TLCD4: variants seen among roughly 807,000 people sequenced by gnomAD.
TLCD4 encodes TLC domain containing 4, also known as TLC domain-containing protein 4.
TLCD4 carries 7 observed loss-of-function variants against 24.2 expected under a neutral mutation model. The observed-to-expected ratio is 0.29, with a 90% confidence interval of 0.16 to 0.54. TLCD4 has a LOEUF of 0.54. Among genes scored for constraint, TLCD4 ranks in the 20% least tolerant of loss-of-function variants. The pLI is 0.95. For synonymous variants in TLCD4, 103 were observed against 106.4 expected, an observed-to-expected ratio of 0.97 and a Z score of 0.20; for missense variants, 259 against 313.9, an observed-to-expected ratio of 0.82 and a Z score of 1.32.
chr1:95,194,095 GC>G lies in TLCD4; in HGVS notation c.*2228del, dbSNP rs1200890943. ...TTTGTTTTTATAGTTACTGTTTCAT[GC>G]TTAAAACTTCATTCTTACTTTCATT... On this transcript the variant is annotated 3_prime_UTR_variant, in exon 7 of 7. Coordinates refer to ENST00000370203, the MANE Select transcript of TLCD4 (RefSeq NM_152487.3). 6.6e-6 allele frequency: 1 copy of G among 151,998 alleles called. No individual in the cohort carries two copies. Among genetic ancestry groups the G allele is most frequent in the Admixed American group, 6.6e-5 (1 of 15,250 alleles). 9.4% of individuals were successfully genotyped at this position (151,998 alleles called of 1,614,324 possible).
chr1:95,155,749 GGT>G (rs1491172131), intron 5 of TLCD4, among the ~76,000 whole-genome samples: 1 of 12,604 alleles, frequency 7.9e-5, no homozygotes, highest in East Asian at 2.7e-3. Flanking sequence ...GACTCACAGA[GGT>G]TTTTTTTTTT....
At chr1:95,106,613 A>G in the TLCD4 span, among the ~76,000 whole-genome samples, 1 of 152,166 alleles carries the variant, frequency 6.6e-6, no homozygotes, top group Non-Finnish European at 1.5e-5. Flanking sequence ...GGATTGCTTG[A>G]ACGTGGGATG....
At chr1:95,149,119 G>A (rs1172342815) in intron 3 of TLCD4, among the ~76,000 whole-genome samples, 1 of 152,148 alleles carries the variant, frequency 6.6e-6, no homozygotes, top group Non-Finnish European at 1.5e-5. Flanking sequence ...TTGAGATAGG[G>A]TAGTCAACTT....
chr1:95,178,851 A>G (rs1273388919), intron 6 of TLCD4, among the ~76,000 whole-genome samples: 1 of 152,134 alleles, frequency 6.6e-6, no homozygotes, highest in African/African-American at 2.4e-5. Context: ...GGCACGTTGA[A>G]TCAACATGTG....
Position 95,136,078 on chromosome 1 carries a change from A to G in TLCD4, c.-11-7813A>G, listed in dbSNP as rs78917375. Reference sequence around the variant, plus strand: ...TTTTTTTTTAAGAAATCTTGTTCCCAAGCTAACATTACTCAGCCTCTTAGC... The same window carrying G: ...TTTTTTTTTAAGAAATCTTGTTCCCGAGCTAACATTACTCAGCCTCTTAGC... On this transcript the variant is annotated intron_variant, in intron 1 of 6. Transcript: ENST00000370203. Among the ~76,000 whole-genome samples, 967 of 151,628 alleles carry G rather than the reference A, an allele frequency of 6.4e-3. 1 individual carries two copies. Among genetic ancestry groups the G allele is most frequent in the Non-Finnish European group, 0.011 (749 of 67,932 alleles).
chr1:95,102,872 T>C, the TLCD4 span, among the ~76,000 whole-genome samples: 1 of 152,068 alleles, frequency 6.6e-6, no homozygotes, highest in Non-Finnish European at 1.5e-5. Flanking sequence ...CAAGAGCTAA[T>C]TGAGAAATGA....
rs888308970 is a variant in TLCD4, at chr1:95,142,916, T to C, written c.-11-975T>C. Among the ~76,000 whole-genome samples the C allele has an allele frequency of 3.0e-5, 4 of 135,082 alleles. 1 individual carries two copies. Among genetic ancestry groups the C allele is most frequent in the Non-Finnish European group, 6.2e-5 (4 of 64,718 alleles). 88.6% of individuals were successfully genotyped at this position (135,082 alleles called of 152,430 possible). ...AGTGAGCTGAGATCTATCGCACCAC[T>C]GCACTCTAGCCTGGGGGACACAGCA... On this transcript the variant is annotated intron_variant, in intron 1 of 6. Coordinates refer to ENST00000370203, the MANE Select transcript of TLCD4 (RefSeq NM_152487.3).
At chr1:95,150,335 A>G in intron 4 of TLCD4, 69 bp downstream of exon 4, 2 of 1,561,220 alleles carry the variant, frequency 1.3e-6, no homozygotes, top group South Asian at 2.5e-5. Flanking sequence ...AAGAATATAT[A>G]GTCTATGCTT....
At chr1:95,102,834 G>A in the TLCD4 span, among the ~76,000 whole-genome samples, 2 of 152,128 alleles carry the variant, frequency 1.3e-5, no homozygotes, top group South Asian at 4.1e-4. Flanking sequence ...ACTTTGAGAT[G>A]GAAAGCTCAA....
At chr1:95,149,458 G>A (rs1419564417) in intron 3 of TLCD4, among the ~76,000 whole-genome samples, 2 of 152,100 alleles carry the variant, frequency 1.3e-5, no homozygotes, top group East Asian at 1.9e-4. Context: ...TGTGGGCTCC[G>A]GGGGATGTAG....
the TLCD4 span, among the ~76,000 whole-genome samples, chr1:95,111,309 A>G: frequency 1.0e-5 from 1 of 97,174 alleles, no homozygotes; most frequent in African/African-American, 3.4e-5. Context: ...AAAACAAAAC[A>G]AAACAAAACA....
intron 2 of TLCD4, among the ~76,000 whole-genome samples, chr1:95,144,382 A>G (rs1170932107): frequency 6.6e-6 from 1 of 152,210 alleles, no homozygotes; most frequent in African/African-American, 2.4e-5. Flanking sequence ...TTGGAAACAA[A>G]GATGGAAGAA....
At chr1:95,115,143 T>C (rs558883503), upstream of TLCD4, among the ~76,000 whole-genome samples, 41 of 149,906 alleles carry the variant, frequency 2.7e-4, 2 homozygotes, top group South Asian at 3.4e-3. Flanking sequence ...GTTTCGCTCT[T>C]ATTGCCCAGG....
intron 1 of TLCD4, among the ~76,000 whole-genome samples, chr1:95,135,510 C>A (rs931175238): frequency 8.0e-5 from 12 of 150,600 alleles, no homozygotes; most frequent in African/African-American, 2.9e-4. Flanking sequence ...GATTCTTGTG[C>A]CTTAGCCCCC....
At chr1:95,167,260 G>A (rs1031998316) in intron 5 of TLCD4, among the ~76,000 whole-genome samples, 7 of 152,108 alleles carry the variant, frequency 4.6e-5, no homozygotes, top group African/African-American at 1.2e-4. Context: ...TACCACAGGC[G>A]TATTGTCATT....
intron 5 of TLCD4, 136 bp from the exon 6 acceptor site, chr1:95,173,680 A>G: frequency 9.2e-7 from 1 of 1,081,516 alleles, no homozygotes; most frequent in South Asian, 1.6e-5. Flanking sequence ...TTTAACAGTA[A>G]AAGGTAGAAA....
intron 5 of TLCD4, among the ~76,000 whole-genome samples, chr1:95,168,406 ACT>A (rs971240700): frequency 6.6e-6 from 1 of 151,670 alleles, no homozygotes; most frequent in African/African-American, 2.4e-5. Flanking sequence ...TGCTTCACTA[ACT>A]CTAAATGTAT....
chr1:95,172,695 C>T (rs978971575), intron 5 of TLCD4, among the ~76,000 whole-genome samples: 4 of 151,942 alleles, frequency 2.6e-5, no homozygotes, highest in Non-Finnish European at 4.4e-5. Flanking sequence ...ATAATTTTCA[C>T]GAATAAATAC....
intron 5 of TLCD4, among the ~76,000 whole-genome samples, chr1:95,173,018 G>A (rs1226565760): frequency 2.0e-5 from 3 of 152,040 alleles, no homozygotes; most frequent in South Asian, 2.1e-4. Flanking sequence ...TATTTAATTG[G>A]TAGAATGTAC....
Sources: gnomAD v4.1 joint callset for allele counts (sites outside exome capture counted in the v4.1 genomes callset) on GRCh38, gnomAD v4.1.1 for gene constraint, MANE v1.5 for transcripts, NCBI Gene and HGNC (gene_info 2026-07-23, HGNC 2026-07-21) for gene names.